GNAL: variants seen among roughly 807,000 people sequenced by gnomAD.
The protein encoded by GNAL is guanine nucleotide-binding protein G(olf) subunit alpha.
GNAL carries 18 observed loss-of-function variants against 55.1 expected under a neutral mutation model. The observed-to-expected ratio is 0.33, with a 90% CI of 0.23 to 0.48. The LOEUF is 0.48. Among genes scored for constraint, GNAL ranks in the 20% least tolerant of loss-of-function variants. GNAL has a pLI of 0.99. For missense variants in GNAL, 412 were observed against 614.1 expected (o/e 0.67, Z 3.48); for synonymous variants, 253 against 237.0 (o/e 1.07, Z -0.62).
intron 1 of GNAL, among the ~76,000 whole-genome samples, chr18:11,750,980 G>A (rs9964761): frequency 0.12 from 18,294 of 152,020 alleles, 1,757 homozygotes; most frequent in African/African-American, 0.28. Context: ...TAGGGGAAGC[G>A]CCGCCTGGGG....
chr18:11,767,436 G>C (rs1360677083), intron 4 of GNAL, among the ~76,000 whole-genome samples: 2 of 151,376 alleles, frequency 1.3e-5, no homozygotes, highest in African/African-American at 4.9e-5. Flanking sequence ...GCACCCTTTT[G>C]CTTGCACAGT....
At chr18:11,728,444 C>T (rs974049984) in intron 1 of GNAL, among the ~76,000 whole-genome samples, 8 of 152,160 alleles carry the variant, frequency 5.3e-5, no homozygotes, top group Admixed American at 2.0e-4. Context: ...ATTCTGCCCT[C>T]TTCTGGCTGC....
intron 5 of GNAL, among the ~76,000 whole-genome samples, chr18:11,828,089 C>T (rs1045876497): frequency 1.3e-5 from 2 of 151,904 alleles, no homozygotes; most frequent in African/African-American, 2.4e-5. Context: ...TGGTTGCTTT[C>T]GGTTTGGATG....
At chr18:11,843,234 C>A (rs1414675825) in intron 5 of GNAL, among the ~76,000 whole-genome samples, 2 of 152,000 alleles carry the variant, frequency 1.3e-5, no homozygotes, top group Non-Finnish European at 2.9e-5. Context: ...TGTGGTGGCT[C>A]ACGCCTGTAA....
intron 5 of GNAL, among the ~76,000 whole-genome samples, chr18:11,848,642 A>G (rs2035789811): frequency 6.6e-6 from 1 of 151,906 alleles, no homozygotes; most frequent in African/African-American, 2.4e-5. Flanking sequence ...TTTTTAGTAG[A>G]GACGGGCTTT....
intron 1 of GNAL, chr18:11,746,823 G>T: frequency 2.0e-6 from 1 of 500,702 alleles, no homozygotes; most frequent in South Asian, 1.5e-5. Context: ...GTTGCTGGAC[G>T]AGTGGCAGAT....
At chr18:11,873,751 C>T (rs2036453889) in intron 10 of GNAL, among the ~76,000 whole-genome samples, 3 of 152,256 alleles carry the variant, frequency 2.0e-5, no homozygotes, top group African/African-American at 7.2e-5. Flanking sequence ...CTTTCTGTGG[C>T]TGGCATTGCC....
intron 1 of GNAL, among the ~76,000 whole-genome samples, chr18:11,694,640 G>A (rs2031353187): frequency 6.6e-6 from 1 of 152,188 alleles, no homozygotes; most frequent in South Asian, 2.1e-4. Flanking sequence ...GGCTTGGGGA[G>A]CAGGTCAGAT....
At chr18:11,701,523 G>A (rs114239680) in intron 1 of GNAL, among the ~76,000 whole-genome samples, 26 of 143,768 alleles carry the variant, frequency 1.8e-4, no homozygotes, top group African/African-American at 5.0e-4. Flanking sequence ...CCAAGAGTGC[G>A]TCGTTCCACT....
At chr18:11,712,004 C>T (rs1157165757) in intron 1 of GNAL, among the ~76,000 whole-genome samples, 60 of 152,332 alleles carry the variant, frequency 3.9e-4, no homozygotes, top group Non-Finnish European at 1.0e-4. Context: ...ATCTCTTGCT[C>T]CTTCTGGTGT....
intron 2 of GNAL, among the ~76,000 whole-genome samples, 198 bp downstream of exon 2, chr18:11,753,123 A>G (rs1053698068): frequency 2.0e-5 from 3 of 152,168 alleles, no homozygotes; most frequent in African/African-American, 4.8e-5. Context: ...TGAAAAAAAA[A>G]CTTGCTTAAC....
chr18:11,752,499 C>G lies in GNAL; in HGVS notation c.377-354C>G, dbSNP rs73397885. The G allele has an allele frequency of 2.5e-6, 4 of 1,612,998 alleles. No homozygotes were observed. The Admixed American group carries it at 6.7e-5, about 27-fold the overall frequency. ...AGGGCGTCGATGAAAAAGAACGACG[C>G]GAGGCCAACAAAAAGATCGAGAAGC... On this transcript the variant is annotated intron_variant, in intron 1 of 11. Coordinates refer to ENST00000334049, the MANE Select transcript of GNAL (RefSeq NM_182978.4). This position sits in a 1 kb window ranked among gnomAD's most constrained non-coding sequence, Gnocchi z 4.5.
intron 1 of GNAL, among the ~76,000 whole-genome samples, chr18:11,740,075 GTATTTATTTATT>G (rs560000874): frequency 2.6e-5 from 4 of 151,672 alleles, no homozygotes; most frequent in East Asian, 1.9e-4. Flanking sequence ...TTCTATTTAT[GTATTTATTTATT>G]TATTTATTTA....
chr18:11,742,134 G>A (rs16976623), intron 1 of GNAL, among the ~76,000 whole-genome samples: 12,050 of 152,154 alleles, frequency 0.079, 863 homozygotes, highest in African/African-American at 0.19. Context: ...ACAGTTCCTA[G>A]TATGCTTTGT....
chr18:11,705,019 T>G (rs2031673939), intron 1 of GNAL, among the ~76,000 whole-genome samples: 1 of 152,176 alleles, frequency 6.6e-6, no homozygotes, highest in South Asian at 2.1e-4. Context: ...AATACCGTAC[T>G]CTTCTATATG....
At chr18:11,706,143 T>TATA (rs2031705713) in intron 1 of GNAL, among the ~76,000 whole-genome samples, 1 of 152,140 alleles carries the variant, frequency 6.6e-6, no homozygotes, top group African/African-American at 2.4e-5. Context: ...GCTCTTTATA[T>TATA]ATTTCAGAGA....
chr18:11,745,677 G>A (rs575013802), intron 1 of GNAL: 10 of 157,104 alleles, frequency 6.4e-5, no homozygotes, highest in South Asian at 3.8e-4. Context: ...CTGTTCACAC[G>A]CATTTCGTTT....
chr18:11,697,489 C>T (rs1451680787), intron 1 of GNAL, among the ~76,000 whole-genome samples: 3 of 151,128 alleles, frequency 2.0e-5, no homozygotes, highest in Admixed American at 1.3e-4. Context: ...ACCTGGGAGG[C>T]GGAGTTTGTA....
intron 1 of GNAL, among the ~76,000 whole-genome samples, chr18:11,730,079 G>C (rs2032302676): frequency 6.6e-6 from 1 of 151,012 alleles, no homozygotes; most frequent in Admixed American, 6.6e-5. Context: ...TTTCGCCCAG[G>C]CCGAACTGCA....
Sources: allele counts gnomAD v4.1 joint callset (sites outside exome capture counted in the v4.1 genomes callset), GRCh38; gene constraint gnomAD v4.1.1; non-coding constraint Gnocchi (gnomAD v3.1); transcripts MANE v1.5; gene names NCBI Gene and HGNC (gene_info 2026-07-23, HGNC 2026-07-21).